The following VPS13D variants were observed in gnomAD, a reference collection of about 807,000 sequenced individuals.
The protein encoded by VPS13D is intermembrane lipid transfer protein VPS13D.
VPS13D carries 187 observed loss-of-function variants against 461.9 expected under a neutral mutation model. That is an observed-to-expected ratio of 0.40 (90% CI 0.36 to 0.46). VPS13D has a LOEUF of 0.46. VPS13D is among the 20% of genes least tolerant of loss of function. The probability of loss-of-function intolerance (pLI) is 0.60; values close to 1 mark genes in which losing one functional copy is unlikely to be tolerated. For synonymous variants in VPS13D, 1,951 were observed against 1,986.3 expected (o/e 0.98, Z 0.47); for missense variants, 4,711 against 5,364.9 (o/e 0.88, Z 3.81).
chr1:12,382,495 T>G (rs1211746210), intron 57 of VPS13D, among the ~76,000 whole-genome samples: 1 of 152,176 alleles, frequency 6.6e-6, no homozygotes, highest in African/African-American at 2.4e-5. Flanking sequence ...TTTTGAGTAT[T>G]TGGATTGGTT....
At position 12,385,148 on chromosome 1, in the gene VPS13D, A is replaced by G. The variant is rs907142611; in HGVS notation, c.11371-112A>G. 6 of 813,300 alleles carry G rather than the reference A, an allele frequency of 7.4e-6. 1 individual carries two copies. The Admixed American group carries it at 1.4e-4, about 19-fold the overall frequency. The allele number at this position is 813,300 out of a possible 1,614,324, so 50.4% of individuals were successfully genotyped here. Reference sequence around the variant, plus strand: ...AGTGCTTTGGAAACCATTCGCTTCCATAGGATTATTGATTATATAATGACT... The same window carrying G: ...AGTGCTTTGGAAACCATTCGCTTCCGTAGGATTATTGATTATATAATGACT... On this transcript the variant is annotated intron_variant, in intron 58 of 69. Transcript: ENST00000620676.
At chr1:12,483,014 A>G (rs1452863637) in intron 67 of VPS13D, among the ~76,000 whole-genome samples, 1 of 152,218 alleles carries the variant, frequency 6.6e-6, no homozygotes, top group Non-Finnish European at 1.5e-5. Context: ...CTCTACATAT[A>G]TCCCATCTTA....
chr1:12,243,015 C>T (rs976403929), intron 3 of VPS13D, among the ~76,000 whole-genome samples: 3 of 150,320 alleles, frequency 2.0e-5, no homozygotes, highest in African/African-American at 7.4e-5. Context: ...TGCCGTGGTG[C>T]GATCTCGGCT....
intron 2 of VPS13D, among the ~76,000 whole-genome samples, chr1:12,236,341 A>G (rs1335678328): frequency 6.6e-6 from 1 of 152,046 alleles, no homozygotes; most frequent in Non-Finnish European, 1.5e-5. Context: ...ACAGTTAAGC[A>G]GTGTTTGGGA....
At chr1:12,349,497 T>A in intron 46 of VPS13D, 123 bp downstream of exon 46, 1 of 1,006,910 alleles carries the variant, frequency 9.9e-7, no homozygotes, top group Non-Finnish European at 1.4e-6. Context: ...ACTCTAAAGT[T>A]CTTATTCCTT....
At position 12,278,500 on chromosome 1, in the gene VPS13D, C is replaced by T. The variant is rs1641683480; in HGVS notation, c.4450+462C>T. ...ATGTTGGCCAGGCTGGTCTCGAACTCGTGACCTCAGGTGATCTGCCTGCCT... is the reference window on the plus strand; with the variant it reads ...ATGTTGGCCAGGCTGGTCTCGAACTTGTGACCTCAGGTGATCTGCCTGCCT... On this transcript the variant is annotated intron_variant, in intron 19 of 69. Transcript: ENST00000620676. Among the ~76,000 whole-genome samples, 8 of 152,270 alleles carry T rather than the reference C, an allele frequency of 5.3e-5. No individual in the cohort carries two copies. The South Asian group carries it at 1.7e-3, about 32-fold the overall frequency.
intron 58 of VPS13D, among the ~76,000 whole-genome samples, chr1:12,383,989 A>G (rs1293261798): frequency 6.6e-6 from 1 of 152,218 alleles, no homozygotes; most frequent in Non-Finnish European, 1.5e-5. Flanking sequence ...TCTGAGATAC[A>G]TACTAAAGAA....
At chr1:12,375,793 G>A (rs898890588) in intron 55 of VPS13D, among the ~76,000 whole-genome samples, 1 of 152,190 alleles carries the variant, frequency 6.6e-6, no homozygotes, top group Non-Finnish European at 1.5e-5. Flanking sequence ...CATCGCTTAG[G>A]TGGATGCCTT....
rs1009633178 is a variant in VPS13D, at chr1:12,306,349, G to A, written c.6439+1621G>A. 2.6e-5 allele frequency among the ~76,000 whole-genome samples: 4 copies of A among 152,116 alleles called. No individual in the cohort carries two copies. In the East Asian group the frequency reaches 7.7e-4, roughly 29 times the overall value. ...ATTTTGGCAGTCTGACTCCAGAACC[G>A]AATTGTAACTGAACATGATACTGCT... On this transcript the variant is annotated intron_variant, in intron 26 of 69. Coordinates refer to ENST00000620676, the MANE Select transcript of VPS13D (RefSeq NM_015378.4).
intron 40 of VPS13D, among the ~76,000 whole-genome samples, chr1:12,340,750 A>G (rs1229205326): frequency 6.6e-6 from 1 of 152,242 alleles, no homozygotes; most frequent in Non-Finnish European, 1.5e-5. Context: ...CTAGACACAT[A>G]AGAAGATTGA....
intron 67 of VPS13D, among the ~76,000 whole-genome samples, chr1:12,486,503 C>T (rs904190583): frequency 3.3e-5 from 5 of 152,178 alleles, no homozygotes; most frequent in Non-Finnish European, 5.9e-5. Flanking sequence ...CCCTGAGGAG[C>T]GGCCAGGGTT....
intron 25 of VPS13D, among the ~76,000 whole-genome samples, chr1:12,303,130 G>A (rs1048392162): frequency 6.6e-6 from 1 of 152,188 alleles, no homozygotes; most frequent in Non-Finnish European, 1.5e-5. Flanking sequence ...ACATTTGCAT[G>A]TGTGAGGTTT....
intron 24 of VPS13D, among the ~76,000 whole-genome samples, chr1:12,294,664 T>C (rs963874249): frequency 6.6e-6 from 1 of 151,942 alleles, no homozygotes; most frequent in Non-Finnish European, 1.5e-5. Flanking sequence ...ATACAAAAAT[T>C]AGCTGGGCAT....
At chr1:12,398,238 A>G (rs1570092816) in intron 60 of VPS13D, among the ~76,000 whole-genome samples, 2 of 152,250 alleles carry the variant, frequency 1.3e-5, no homozygotes, top group East Asian at 1.9e-4. Flanking sequence ...AGAAATGTCT[A>G]TTTGGAAATC....
In VPS13D at chr1:12,460,320, C is replaced by A. The variant is rs1390484782; in HGVS notation, c.12586C>A (p.Pro4196Thr). 2 of 1,613,052 alleles carry A rather than the reference C, an allele frequency of 1.2e-6. No homozygotes were observed. The highest frequency in any genetic ancestry group is 1.1e-5 in the South Asian group (1 of 90,886). Residue 4196 changes from proline to threonine, a missense_variant, in exon 67 of 70, where the codon CCA becomes ACA. Pro to Thr is a conservative substitution (Grantham distance 38). This residue lies in a region of VPS13D where 106 missense variants were observed against 206.2 expected (regional missense o/e 0.51). Transcript: ENST00000620676. ...GKGLVGTVTK[P>T]VAGALDFASE... is the part of the protein sequence containing the mutation. Reference sequence around the variant, plus strand: ...AGGGCTTGTTGGCACTGTAACCAAGCCAGTGGCAGGCGCCCTGGATTTTGC... The same window carrying A: ...AGGGCTTGTTGGCACTGTAACCAAGACAGTGGCAGGCGCCCTGGATTTTGC...
chr1:12,278,423 C>G lies in VPS13D; in HGVS notation c.4450+385C>G, dbSNP rs374288868. ...GTAGCTGGGATTACTTACAGGCACC[C>G]GCTACCACGCCCGGCTAATTTTTGT... On this transcript the variant is annotated intron_variant, in intron 19 of 69. Coordinates refer to ENST00000620676, the MANE Select transcript of VPS13D (RefSeq NM_015378.4). 4.1e-4 allele frequency among the ~76,000 whole-genome samples: 62 copies of G among 152,094 alleles called. 1 individual carries two copies. In the South Asian group the frequency reaches 0.012, roughly 29 times the overall value.
chr1:12,310,806 TCCCTCCCTCC>T (rs1642719000), intron 27 of VPS13D, among the ~76,000 whole-genome samples: 1 of 82,806 alleles, frequency 1.2e-5, no homozygotes, highest in Non-Finnish European at 2.4e-5. Flanking sequence ...CCTCCCTCCC[TCCCTCCCTCC>T]CTCCTTCCCT....
intron 52 of VPS13D, among the ~76,000 whole-genome samples, chr1:12,363,958 A>G (rs1643992312): frequency 6.8e-6 from 1 of 146,822 alleles, no homozygotes; most frequent in African/African-American, 2.5e-5. Flanking sequence ...TCTCAAAAAA[A>G]AAAAAAAAAA....
chr1:12,367,553 A>AATTTATTTATCTATTTATTTATTT (rs1553184245), intron 52 of VPS13D: 3 of 148,966 alleles, frequency 2.0e-5, no homozygotes, highest in African/African-American at 7.5e-5. Flanking sequence ...GTTGCGATGA[A>AATTTATTTATCTATTTATTTATTT]ATTTATTTAT....
Sources: allele counts gnomAD v4.1 joint callset (sites outside exome capture counted in the v4.1 genomes callset), GRCh38; gene constraint gnomAD v4.1.1; regional missense constraint gnomAD v4.1.1; transcripts MANE v1.5; gene names NCBI Gene and HGNC (gene_info 2026-07-23, HGNC 2026-07-21).